The following ADGRD1 variants were observed in gnomAD, a reference collection of about 807,000 sequenced individuals.
ADGRD1 encodes adhesion G protein-coupled receptor D1.
Under a neutral mutation model 113.4 loss-of-function variants are expected in ADGRD1, and 77 were observed. The observed-to-expected ratio is 0.68, with a 90% CI of 0.57 to 0.82. The LOEUF (loss-of-function observed/expected upper bound fraction) is 0.82, where lower values mean the gene tolerates loss of function less well. ADGRD1 is among the 40% of genes least tolerant of loss of function. The pLI, the probability that ADGRD1 is intolerant of heterozygous loss-of-function variation, is 0.00. For synonymous variants in ADGRD1, 474 were observed against 475.0 expected (o/e 1.00, Z 0.03); for missense variants, 1,036 against 1,139.1 (o/e 0.91, Z 1.30).
At chr12:131,068,195 T>TGG (rs1884874596) in intron 13 of ADGRD1, among the ~76,000 whole-genome samples, 1 of 152,188 alleles carries the variant, frequency 6.6e-6, no homozygotes. Flanking sequence ...GGCAGAGGTC[T>TGG]GGGGCCGAGT....
At chr12:131,036,694 C>G (rs1416591973) in intron 13 of ADGRD1, among the ~76,000 whole-genome samples, 9,762 of 119,428 alleles carry the variant, frequency 0.082, 674 homozygotes, top group Non-Finnish European at 0.12. Flanking sequence ...GCCTCACTCA[C>G]TGCACCGGGC....
chr12:130,987,249 C>G lies in ADGRD1; in HGVS notation c.645C>G (p.Asp215Glu), dbSNP rs1329559928. ...ACCTCGTGATAGGGTCTGAGCAGGACCAGGCCAAGTGTTATGAGAACGGTG... is the reference window on the plus strand; with the variant it reads ...ACCTCGTGATAGGGTCTGAGCAGGAGCAGGCCAAGTGTTATGAGAACGGTG... ...NVNLVIGSEQDQAKCYENGAF... is the reference protein window; with the variant it reads ...NVNLVIGSEQEQAKCYENGAF... The change falls in exon 6 of 25, where the codon GAC (aspartate) becomes GAG (glutamate). Residue 215 changes from aspartate to glutamate, a missense_variant. Physicochemically the swap from Asp to Glu is conservative, Grantham distance 45. Coordinates refer to ENST00000261654, the MANE Select transcript of ADGRD1 (RefSeq NM_198827.5). The G allele has an allele frequency of 1.2e-6, 2 of 1,614,058 alleles. No homozygotes were observed. Among genetic ancestry groups the G allele is most frequent in the African/African-American group, 1.3e-5 (1 of 74,924 alleles).
chr12:131,046,305 C>T (rs1469198403), intron 13 of ADGRD1, among the ~76,000 whole-genome samples: 7 of 136,562 alleles, frequency 5.1e-5, no homozygotes, highest in African/African-American at 1.9e-4. Context: ...GGTCAGTGCT[C>T]CCTCCCTGGT....
At chr12:131,049,303 C>T (rs550298004) in intron 13 of ADGRD1, among the ~76,000 whole-genome samples, 3 of 152,294 alleles carry the variant, frequency 2.0e-5, no homozygotes, top group South Asian at 2.1e-4. Context: ...GTGAGCCCTG[C>T]GCTGTCAGGC....
intron 13 of ADGRD1, among the ~76,000 whole-genome samples, chr12:131,015,707 A>G (rs559189027): frequency 1.1e-3 from 166 of 152,188 alleles, no homozygotes; most frequent in African/African-American, 3.9e-3. Context: ...TCCTCTCTGC[A>G]TGTGACCAGC....
intron 13 of ADGRD1, among the ~76,000 whole-genome samples, chr12:131,054,761 G>T (rs980854126): frequency 6.6e-6 from 1 of 152,208 alleles, no homozygotes; most frequent in Non-Finnish European, 1.5e-5. Context: ...GCCGGGTCTT[G>T]CCTAGGTTCC....
At chr12:130,987,514 C>A in intron 6 of ADGRD1, 165 bp downstream of exon 6, 1 of 673,608 alleles carries the variant, frequency 1.5e-6, no homozygotes, top group Non-Finnish European at 2.5e-6. Flanking sequence ...AACACCTGTT[C>A]CCTGAGATAG....
At position 131,139,129 on chromosome 12, in the gene ADGRD1, G is replaced by A. The variant is rs374722972; in HGVS notation, c.2530-39G>A. On this transcript the variant is annotated intron_variant, in intron 24 of 24. Coordinates refer to ENST00000261654, the MANE Select transcript of ADGRD1 (RefSeq NM_198827.5). ...ACTGGGCTTATGGCTCTCCCCCTGG[G>A]AGCAGGCCCTTCACTGCTCATCCCT... The A allele has an allele frequency of 4.6e-6, 7 of 1,523,766 alleles. No individual in the cohort carries two copies. The African/African-American group carries it at 8.2e-5, about 18-fold the overall frequency. The allele number at this position is 1,523,766 out of a possible 1,614,324, so 94.4% of individuals were successfully genotyped here. A position where few individuals can be genotyped will look rare whatever the true frequency, so the allele number is the denominator to read the frequency against.
intron 13 of ADGRD1, among the ~76,000 whole-genome samples, chr12:131,042,950 GTC>G (rs1882288389): frequency 6.6e-6 from 1 of 152,258 alleles, no homozygotes; most frequent in African/African-American, 2.4e-5. Context: ...GCAGCTGAGT[GTC>G]TGCCCATGCG....
At chr12:131,129,300 C>G (rs1593265382) in intron 20 of ADGRD1, among the ~76,000 whole-genome samples, 1 of 120,218 alleles carries the variant, frequency 8.3e-6, no homozygotes, top group Non-Finnish European at 1.7e-5. Context: ...TGAGTGGCAG[C>G]CCCGCCCTGC....
intron 13 of ADGRD1, among the ~76,000 whole-genome samples, chr12:131,063,752 A>G (rs1366015173): frequency 1.3e-5 from 2 of 152,194 alleles, no homozygotes; most frequent in African/African-American, 4.8e-5. Flanking sequence ...CTTTTACGAA[A>G]TTGTTTTAGC....
At chr12:131,048,834 T>G (rs1415849431) in intron 13 of ADGRD1, among the ~76,000 whole-genome samples, 1 of 152,156 alleles carries the variant, frequency 6.6e-6, no homozygotes, top group Non-Finnish European at 1.5e-5. Context: ...CAGGGCCTGC[T>G]GTCTCCCCTC....
At chr12:131,111,362 G>A (rs139859325) in intron 18 of ADGRD1, among the ~76,000 whole-genome samples, 1,958 of 152,326 alleles carry the variant, frequency 0.013, 40 homozygotes, top group African/African-American at 0.044. Context: ...AAAGGGCTGG[G>A]ATTACAGGCG....
intron 4 of ADGRD1, among the ~76,000 whole-genome samples, chr12:130,974,988 T>C (rs1337861553): frequency 6.6e-6 from 1 of 152,128 alleles, no homozygotes; most frequent in Non-Finnish European, 1.5e-5. Context: ...TTGGAGGACA[T>C]TGGAGAGAAA....
chr12:131,124,342 C>T (rs1950689182), intron 20 of ADGRD1, among the ~76,000 whole-genome samples: 1 of 152,192 alleles, frequency 6.6e-6, no homozygotes. Flanking sequence ...AGAAAATGCC[C>T]AGACAGATGC....
chr12:130,976,539 T>C (rs964829402), intron 4 of ADGRD1, among the ~76,000 whole-genome samples: 6 of 152,174 alleles, frequency 3.9e-5, no homozygotes, highest in African/African-American at 1.4e-4. Flanking sequence ...ACTCATGTGA[T>C]ACCACATCCC....
At chr12:131,123,694 T>C (rs532143704) in intron 20 of ADGRD1, among the ~76,000 whole-genome samples, 23 of 151,706 alleles carry the variant, frequency 1.5e-4, no homozygotes, top group Admixed American at 1.0e-3. Flanking sequence ...TGGTGGCGGG[T>C]GCCTGTAGTC....
chr12:131,064,330 CT>C (rs1884554243), intron 13 of ADGRD1, among the ~76,000 whole-genome samples: 1 of 152,140 alleles, frequency 6.6e-6, no homozygotes, highest in South Asian at 2.1e-4. Flanking sequence ...GGAAGTTTCC[CT>C]TTATTCTTAG....
At position 130,994,962 on chromosome 12, in the gene ADGRD1, C is replaced by G. The variant is rs183183010; in HGVS notation, c.966+2570C>G. ...GTGTGTGTCCTGCCCTAGGGCAGGC[C>G]GGAGCCACTGTGGCCCACCGCCTGC... On this transcript the variant is annotated intron_variant, in intron 8 of 24. Coordinates refer to ENST00000261654, the MANE Select transcript of ADGRD1 (RefSeq NM_198827.5). 2.0e-5 allele frequency among the ~76,000 whole-genome samples: 3 copies of G among 152,258 alleles called. No individual in the cohort carries two copies. The South Asian group carries it at 6.2e-4, about 32-fold the overall frequency.
Sources: allele counts gnomAD v4.1 joint callset (sites outside exome capture counted in the v4.1 genomes callset), GRCh38; gene constraint gnomAD v4.1.1; transcripts MANE v1.5; gene names NCBI Gene and HGNC (gene_info 2026-07-23, HGNC 2026-07-21).